The following CNTNAP2 variants were observed in gnomAD, a reference collection of about 807,000 sequenced individuals.
The protein encoded by CNTNAP2 is contactin associated protein 2.
Under a neutral mutation model 155.2 loss-of-function variants are expected in CNTNAP2, and 98 were observed. That is an observed-to-expected ratio of 0.63 (90% CI 0.54 to 0.75). The LOEUF is 0.75. Among genes scored for constraint, CNTNAP2 ranks in the 30% least tolerant of loss-of-function variants. The probability of loss-of-function intolerance (pLI) is 0.00; values close to 1 mark genes in which losing one functional copy is unlikely to be tolerated. For synonymous variants in CNTNAP2, 651 were observed against 631.2 expected, an observed-to-expected ratio of 1.03 and a Z score of -0.47; for missense variants, 1,727 against 1,688.1, an observed-to-expected ratio of 1.02 and a Z score of -0.40.
At chr7:147,891,219 T>G (rs188870963) in intron 13 of CNTNAP2, among the ~76,000 whole-genome samples, 1,667 of 151,760 alleles carry the variant, frequency 0.011, 86 homozygotes, top group Admixed American at 0.091. Flanking sequence ...TTTTTTTTTT[T>G]TTTGAGACGG....
chr7:148,023,136 A>G (rs1350498192), intron 15 of CNTNAP2, among the ~76,000 whole-genome samples: 2 of 152,166 alleles, frequency 1.3e-5, no homozygotes, highest in East Asian at 1.9e-4. Context: ...CAGCTCCCAT[A>G]GGTCCTCTGA....
chr7:148,390,421 T>C (rs1466948594), intron 22 of CNTNAP2, among the ~76,000 whole-genome samples: 1 of 152,174 alleles, frequency 6.6e-6, no homozygotes, highest in Non-Finnish European at 1.5e-5. Context: ...CTCTGAAAGA[T>C]AGAAAAAGAT....
At chr7:146,945,027 T>C (rs1797133689) in intron 3 of CNTNAP2, among the ~76,000 whole-genome samples, 1 of 152,220 alleles carries the variant, frequency 6.6e-6, no homozygotes, top group Non-Finnish European at 1.5e-5. Flanking sequence ...TGAACACCTG[T>C]TGCTATAAAA....
At chr7:147,010,124 C>T (rs1798597960) in intron 3 of CNTNAP2, among the ~76,000 whole-genome samples, 1 of 151,572 alleles carries the variant, frequency 6.6e-6, no homozygotes, top group South Asian at 2.1e-4. Context: ...ATTCTTCCAC[C>T]TCGGCCTCCC....
intron 6 of CNTNAP2, among the ~76,000 whole-genome samples, chr7:147,128,328 A>G (rs1390991906): frequency 6.6e-6 from 1 of 152,216 alleles, no homozygotes; most frequent in African/African-American, 2.4e-5. Context: ...ATTTATTGAT[A>G]GTATGTCTTT....
At chr7:147,108,939 G>A (rs371949208) in intron 5 of CNTNAP2, among the ~76,000 whole-genome samples, 3 of 152,150 alleles carry the variant, frequency 2.0e-5, no homozygotes, top group Admixed American at 6.5e-5. Flanking sequence ...AAGCAGGAAG[G>A]ATGCCGCCGT....
At chr7:148,059,551 T>G (rs1803091099) in intron 15 of CNTNAP2, among the ~76,000 whole-genome samples, 1 of 147,918 alleles carries the variant, frequency 6.8e-6, no homozygotes, top group South Asian at 2.1e-4. Context: ...CGGTGCCCCA[T>G]TGCACTCCAG....
intron 21 of CNTNAP2, among the ~76,000 whole-genome samples, chr7:148,363,646 C>T (rs1252143460): frequency 3.2e-4 from 49 of 152,292 alleles, no homozygotes; most frequent in Non-Finnish European, 7.4e-5. Flanking sequence ...TGAGAGGTGA[C>T]AGCGTGCTGG....
chr7:147,233,973 T>C (rs918007729), intron 8 of CNTNAP2, among the ~76,000 whole-genome samples: 3 of 151,288 alleles, frequency 2.0e-5, no homozygotes, highest in Non-Finnish European at 4.4e-5. Context: ...TAAATACCTA[T>C]GTTTCCCAGG....
chr7:146,813,512 T>C (rs989334621), intron 2 of CNTNAP2, among the ~76,000 whole-genome samples: 1 of 152,212 alleles, frequency 6.6e-6, no homozygotes, highest in Admixed American at 6.5e-5. Flanking sequence ...GGAATGGGTG[T>C]ATTTACCCAA....
intron 15 of CNTNAP2, among the ~76,000 whole-genome samples, chr7:148,099,868 GTTTTTTTTTTT>G (rs751537152): frequency 1.1e-5 from 1 of 88,806 alleles, no homozygotes; most frequent in Non-Finnish European, 2.0e-5. Flanking sequence ...TTTTTTTTTG[GTTTTTTTTTTT>G]TTTTTTTTTT....
At chr7:146,745,540 G>C (rs1452639585) in intron 1 of CNTNAP2, among the ~76,000 whole-genome samples, 2 of 152,108 alleles carry the variant, frequency 1.3e-5, no homozygotes, top group African/African-American at 4.8e-5. Context: ...AGGCCAAGGT[G>C]GGTGTATCAG....
intron 3 of CNTNAP2, among the ~76,000 whole-genome samples, chr7:146,985,610 G>A (rs1161180813): frequency 6.6e-6 from 1 of 152,048 alleles, no homozygotes; most frequent in African/African-American, 2.4e-5. Flanking sequence ...GTAAGCCACT[G>A]AATTTTTAAA....
chr7:147,863,224 T>C lies in CNTNAP2; in HGVS notation c.2099-40341T>C, dbSNP rs1799166756. ...TGATAGTTTGCTGAGAATGATGGTT[T>C]CCAGCTTCTCCACGGCCCTGCAAAG... is the stretch of plus-strand genomic sequence containing the variant. On this transcript the variant is annotated intron_variant, in intron 13 of 23. Transcript: ENST00000361727. Among the ~76,000 whole-genome samples the C allele has an allele frequency of 2.6e-5, 4 of 152,288 alleles. No individual in the cohort carries two copies. The South Asian group carries it at 8.3e-4, about 32-fold the overall frequency.
intron 1 of CNTNAP2, among the ~76,000 whole-genome samples, chr7:146,442,430 T>C (rs1473057694): frequency 6.8e-6 from 1 of 146,996 alleles, no homozygotes; most frequent in Non-Finnish European, 1.5e-5. Flanking sequence ...TCTCAATCCA[T>C]TTGGGGTGTG....
chr7:147,497,037 G>A lies in CNTNAP2; in HGVS notation c.1777+10996G>A, dbSNP rs938611672. The A allele has an allele frequency of 1.7e-4, 26 of 152,102 alleles. 1 individual carries two copies. Among genetic ancestry groups the A allele is most frequent in the Admixed American group, 1.4e-3 (21 of 15,286 alleles). 9.4% of individuals were successfully genotyped at this position (152,102 alleles called of 1,614,324 possible). ...TAAGCAATAGTTTCTTATAAAAAATGCAGCCGTTTCCAAGAAAATTTTGAT... is the reference window on the plus strand; with the variant it reads ...TAAGCAATAGTTTCTTATAAAAAATACAGCCGTTTCCAAGAAAATTTTGAT... On this transcript the variant is annotated intron_variant, in intron 11 of 23. Transcript: ENST00000361727.
chr7:146,792,578 C>G (rs1011446268), intron 2 of CNTNAP2, among the ~76,000 whole-genome samples: 12 of 152,118 alleles, frequency 7.9e-5, no homozygotes, highest in African/African-American at 2.9e-4. Context: ...ATGAGGTATC[C>G]AGGCATTTAA....
intron 21 of CNTNAP2, among the ~76,000 whole-genome samples, chr7:148,371,553 G>A (rs1798886503): frequency 6.6e-6 from 1 of 151,990 alleles, no homozygotes; most frequent in Non-Finnish European, 1.5e-5. Flanking sequence ...TGTAGGCTTG[G>A]AATCACCACT....
intron 3 of CNTNAP2, among the ~76,000 whole-genome samples, chr7:146,885,928 GGTGT>G (rs36231370): frequency 0.065 from 9,249 of 141,786 alleles, 263 homozygotes; most frequent in Middle Eastern, 0.08. Flanking sequence ...TATGTAAGTC[GGTGT>G]GTGTGTGTGT....
Sources: allele counts gnomAD v4.1 joint callset (sites outside exome capture counted in the v4.1 genomes callset), GRCh38; gene constraint gnomAD v4.1.1; transcripts MANE v1.5; gene names NCBI Gene and HGNC (gene_info 2026-07-23, HGNC 2026-07-21).